CD276: variants seen among roughly 807,000 people sequenced by gnomAD.
The protein encoded by CD276 is CD276 antigen.
CD276 carries 34 observed loss-of-function variants against 50.0 expected under a neutral mutation model. That is an observed-to-expected ratio of 0.68 (90% CI 0.52 to 0.91). The LOEUF is 0.91. Ranked by LOEUF, CD276 falls within the 40% of genes least tolerant of loss-of-function variation. CD276 has a pLI of 0.00. For missense variants in CD276, 634 were observed against 717.5 expected, an observed-to-expected ratio of 0.88 and a Z score of 1.33; for synonymous variants, 275 against 313.0, an observed-to-expected ratio of 0.88 and a Z score of 1.28.
chr15:73,695,060 T>C (rs1240202356), intron 1 of CD276, among the ~76,000 whole-genome samples: 2 of 152,206 alleles, frequency 1.3e-5, no homozygotes, highest in African/African-American at 2.4e-5. Context: ...ACTAGCAGTT[T>C]CTGCCACAGT....
At chr15:73,684,131 G>T (rs1016550361), upstream of CD276, 1 of 149,098 alleles carries the variant, frequency 6.7e-6, no homozygotes, top group Admixed American at 6.7e-5. Context: ...CGGGGTGGGG[G>T]ATGGGCAGCG....
At chr15:73,707,139 T>C (rs930481958) in intron 6 of CD276, among the ~76,000 whole-genome samples, 10 of 152,184 alleles carry the variant, frequency 6.6e-5, no homozygotes, top group African/African-American at 2.4e-4. Context: ...ATGCACGAGG[T>C]GCATCTATGC....
chr15:73,693,629 T>G (rs1440923014), intron 1 of CD276, among the ~76,000 whole-genome samples: 3 of 152,090 alleles, frequency 2.0e-5, no homozygotes, highest in Non-Finnish European at 4.4e-5. Context: ...TTGGGTTATT[T>G]TGGTGAATGG....
rs1431752762 is a variant in CD276, at chr15:73,704,764, C to A, written c.1369+292C>A. Among the ~76,000 whole-genome samples, 1 of 152,202 alleles carries A rather than the reference C, an allele frequency of 6.6e-6. No homozygotes were observed. On this transcript the variant is annotated intron_variant, in intron 6 of 9. Coordinates refer to ENST00000318443, the MANE Select transcript of CD276 (RefSeq NM_001024736.2). The surrounding 1 kb of genome is among the most constrained non-coding windows in gnomAD (Gnocchi z 4.1). ...ATGGGCAGGAATTCTGGGGCAGCCA[C>A]AAGGTGTGGCCCAGGGGACTTGGTG...
intron 2 of CD276, among the ~76,000 whole-genome samples, chr15:73,701,988 GTCTC>G (rs1378459277): frequency 1.3e-5 from 2 of 152,204 alleles, no homozygotes; most frequent in Admixed American, 6.5e-5. Context: ...GTGCCCATTT[GTCTC>G]TCTCTCCCAT....
intron 1 of CD276, among the ~76,000 whole-genome samples, chr15:73,694,129 T>C (rs1900083141): frequency 6.6e-6 from 1 of 152,160 alleles, no homozygotes; most frequent in African/African-American, 2.4e-5. Context: ...TCGAGCTCAG[T>C]AGGAACTGAT....
intron 7 of CD276, 154 bp downstream of exon 7, chr15:73,708,627 C>G (rs779701778): frequency 1.2e-6 from 1 of 837,350 alleles, no homozygotes; most frequent in Non-Finnish European, 1.9e-6. Flanking sequence ...GACCTTGAGT[C>G]TACGTCTTGT....
At chr15:73,691,760 G>A (rs910020089) in intron 1 of CD276, among the ~76,000 whole-genome samples, 1 of 152,214 alleles carries the variant, frequency 6.6e-6, no homozygotes, top group Non-Finnish European at 1.5e-5. Context: ...AGACGGAGAC[G>A]ATCTGCTCGG....
At chr15:73,692,269 C>T (rs1019101209) in intron 1 of CD276, among the ~76,000 whole-genome samples, 2 of 152,178 alleles carry the variant, frequency 1.3e-5, no homozygotes, top group Non-Finnish European at 2.9e-5. Context: ...CCTACTGCCT[C>T]GTCCATTCCC....
At chr15:73,703,574 TG>T in intron 4 of CD276, 84 bp from the exon 5 acceptor site, 1 of 1,075,932 alleles carries the variant, frequency 9.3e-7, no homozygotes, top group Non-Finnish European at 1.3e-6. Context: ...TGGGAATTGA[TG>T]GGGGAAGAGT....
At chr15:73,694,224 T>G (rs1406889473) in intron 1 of CD276, among the ~76,000 whole-genome samples, 1 of 152,208 alleles carries the variant, frequency 6.6e-6, no homozygotes, top group Non-Finnish European at 1.5e-5. Flanking sequence ...AGTGCCCTCT[T>G]GACACCTTCA....
At chr15:73,708,852 C>T (rs1156349642) in intron 7 of CD276, among the ~76,000 whole-genome samples, 1 of 152,212 alleles carries the variant, frequency 6.6e-6, no homozygotes, top group Non-Finnish European at 1.5e-5. Context: ...GTAGGCATGC[C>T]AGGGGCGTGC....
At chr15:73,699,232 C>G (rs1900283672) in intron 1 of CD276, among the ~76,000 whole-genome samples, 2 of 152,236 alleles carry the variant, frequency 1.3e-5, no homozygotes, top group Non-Finnish European at 2.9e-5. Flanking sequence ...CTGCTCTGCC[C>G]TACCAGCTAC....
At position 73,704,039 on chromosome 15, in the gene CD276, C is replaced by T; in HGVS notation, c.1072+42C>T. 1 of 1,585,414 alleles carries T rather than the reference C, an allele frequency of 6.3e-7. No homozygotes were observed. Among genetic ancestry groups the T allele is most frequent in the Non-Finnish European group, 8.6e-7 (1 of 1,166,340 alleles). The stretch of plus-strand genomic sequence containing the variant: ...CGACGCCTTCCCCTTGGTTCACCCT[C>T]CATTCCCTCTGCAGCCCACCCTCTG... On this transcript the variant is annotated intron_variant, in intron 5 of 9. Transcript: ENST00000318443. The surrounding 1 kb of genome is among the most constrained non-coding windows in gnomAD (Gnocchi z 4.1).
chr15:73,702,196 T>G, intron 2 of CD276, 59 bp from the exon 3 acceptor site: 3 of 1,392,444 alleles, frequency 2.2e-6, no homozygotes, highest in Non-Finnish European at 2.9e-6. Context: ...GGAGCGGGAC[T>G]AGGGAGGCCC....
At chr15:73,693,891 T>C (rs1900074084) in intron 1 of CD276, among the ~76,000 whole-genome samples, 1 of 113,096 alleles carries the variant, frequency 8.8e-6, no homozygotes, top group African/African-American at 3.4e-5. Context: ...AGATTGTGTG[T>C]ATGCGGTGGG....
At chr15:73,692,319 A>G (rs1004212909) in intron 1 of CD276, among the ~76,000 whole-genome samples, 12 of 152,196 alleles carry the variant, frequency 7.9e-5, no homozygotes, top group African/African-American at 2.9e-4. Context: ...AACTGGTCAT[A>G]TTCTATTTTA....
rs1596008115 is a variant in CD276, at chr15:73,697,179, T to G, written c.-54-2407T>G. On this transcript the variant is annotated intron_variant, in intron 1 of 9. Coordinates refer to ENST00000318443, the MANE Select transcript of CD276 (RefSeq NM_001024736.2). Reference sequence around the variant, plus strand: ...GTGCCTGCCAAAGGTGCTTTATGAATGGAGCCGGGGAAGGCTGCTGACTCA... The same window carrying G: ...GTGCCTGCCAAAGGTGCTTTATGAAGGGAGCCGGGGAAGGCTGCTGACTCA... 2.0e-5 allele frequency among the ~76,000 whole-genome samples: 3 copies of G among 152,184 alleles called. 1 individual carries two copies. In the East Asian group the frequency reaches 5.8e-4, roughly 29 times the overall value.
rs542223499 is a variant in CD276 at position 73,704,547 on chromosome 15, C to T, written c.1369+75C>T. The T allele has an allele frequency of 2.6e-6, 4 of 1,515,616 alleles. No individual in the cohort carries two copies. The East Asian group carries it at 9.8e-5, about 37-fold the overall frequency. The allele number at this position is 1,515,616 out of a possible 1,614,324, so 93.9% of individuals were successfully genotyped here. ...TTACTGGACCCTAACGTGGAATTTCCATAGGTTTGGGTGGCCAGAAGACTT... is the reference window on the plus strand; with the variant it reads ...TTACTGGACCCTAACGTGGAATTTCTATAGGTTTGGGTGGCCAGAAGACTT... On this transcript the variant is annotated intron_variant, in intron 6 of 9. Coordinates refer to ENST00000318443, the MANE Select transcript of CD276 (RefSeq NM_001024736.2). This position sits in a 1 kb window ranked among gnomAD's most constrained non-coding sequence, Gnocchi z 4.1.
Sources: gnomAD v4.1 joint callset for allele counts (sites outside exome capture counted in the v4.1 genomes callset) on GRCh38, gnomAD v4.1.1 for gene constraint, Gnocchi (gnomAD v3.1) non-coding constraint, MANE v1.5 for transcripts, NCBI Gene and HGNC (gene_info 2026-07-23, HGNC 2026-07-21) for gene names.